The following SLC25A21 variants were observed in gnomAD, a reference collection of about 807,000 sequenced individuals.
SLC25A21 encodes mitochondrial 2-oxodicarboxylate carrier.
In SLC25A21, 47 loss-of-function variants were observed where a neutral mutation model predicts 43.8. The observed-to-expected ratio is 1.07, with a 90% CI of 0.85 to 1.37. The LOEUF (loss-of-function observed/expected upper bound fraction) is 1.37. SLC25A21 is among the 40% of genes most tolerant of loss of function. The pLI, the probability that SLC25A21 is intolerant of heterozygous loss-of-function variation, is 0.00. For missense variants in SLC25A21, 352 were observed against 350.2 expected (o/e 1.00, Z -0.04); for synonymous variants, 131 against 121.3 (o/e 1.08, Z -0.52).
At chr14:36,931,239 C>T (rs1050181368) in intron 1 of SLC25A21, among the ~76,000 whole-genome samples, 1 of 152,122 alleles carries the variant, frequency 6.6e-6, no homozygotes, top group African/African-American at 2.4e-5. Context: ...ATATCACTCC[C>T]AACAGCGAGT....
At chr14:37,149,488 A>C (rs1299824439) in intron 1 of SLC25A21, among the ~76,000 whole-genome samples, 4 of 151,922 alleles carry the variant, frequency 2.6e-5, no homozygotes, top group Non-Finnish European at 2.9e-5. Context: ...GGTGGCTCAC[A>C]CCTGCAATCC....
intron 1 of SLC25A21, among the ~76,000 whole-genome samples, chr14:37,026,698 G>C (rs183800786): frequency 6.6e-6 from 1 of 152,096 alleles, no homozygotes; most frequent in Non-Finnish European, 1.5e-5. Flanking sequence ...TATGTATTGT[G>C]ACAGTCTAAA....
At chr14:36,876,155 C>G (rs1224501189) in intron 1 of SLC25A21, among the ~76,000 whole-genome samples, 1 of 152,104 alleles carries the variant, frequency 6.6e-6, no homozygotes, top group African/African-American at 2.4e-5. Context: ...TAAACTAACT[C>G]AACTTGAATT....
intron 1 of SLC25A21, among the ~76,000 whole-genome samples, chr14:36,972,142 G>A (rs1403105211): frequency 6.6e-6 from 1 of 152,092 alleles, no homozygotes; most frequent in Non-Finnish European, 1.5e-5. Flanking sequence ...TGTTACAGTT[G>A]CCTACAGTAT....
At chr14:36,848,047 C>T (rs890813850) in intron 2 of SLC25A21, among the ~76,000 whole-genome samples, 1 of 152,104 alleles carries the variant, frequency 6.6e-6, no homozygotes, top group Non-Finnish European at 1.5e-5. Context: ...TGGTGACCAA[C>T]AGATGTGTGC....
intron 1 of SLC25A21, among the ~76,000 whole-genome samples, chr14:36,963,984 G>T (rs552746361): frequency 6.6e-6 from 1 of 152,086 alleles, no homozygotes; most frequent in South Asian, 2.1e-4. Context: ...ATTTGCAAAG[G>T]CTACTTAGCG....
intron 1 of SLC25A21, among the ~76,000 whole-genome samples, chr14:36,907,627 G>A (rs543747790): frequency 1.4e-4 from 21 of 152,122 alleles, no homozygotes; most frequent in South Asian, 1.0e-3. Context: ...ACCAATAGGC[G>A]TTTTTGAAGA....
intron 2 of SLC25A21, among the ~76,000 whole-genome samples, chr14:36,852,730 C>T (rs140692755): frequency 3.3e-5 from 5 of 152,138 alleles, no homozygotes; most frequent in African/African-American, 1.2e-4. Flanking sequence ...TCTACCATCA[C>T]ATGTTAGGCA....
At chr14:36,859,601 G>A (rs942270249) in intron 2 of SLC25A21, among the ~76,000 whole-genome samples, 2 of 152,150 alleles carry the variant, frequency 1.3e-5, no homozygotes, top group South Asian at 2.1e-4. Flanking sequence ...GGGTTCAGAT[G>A]ACAGTTTGTA....
chr14:36,714,964 A>G (rs759188086), intron 6 of SLC25A21, among the ~76,000 whole-genome samples: 12 of 152,220 alleles, frequency 7.9e-5, no homozygotes, highest in Non-Finnish European at 1.6e-4. Context: ...CAGCTGGTAT[A>G]TCTCATTTTT....
chr14:37,033,886 A>C (rs1490270580), intron 1 of SLC25A21, among the ~76,000 whole-genome samples: 2 of 152,224 alleles, frequency 1.3e-5, no homozygotes, highest in Non-Finnish European at 2.9e-5. Context: ...CAGGTATTCC[A>C]TGGTTTATTT....
intron 1 of SLC25A21, among the ~76,000 whole-genome samples, chr14:36,926,058 C>G (rs575889325): frequency 6.6e-6 from 1 of 152,194 alleles, no homozygotes; most frequent in South Asian, 2.1e-4. Flanking sequence ...AATACACATT[C>G]TTTTCAAGTC....
intron 1 of SLC25A21, among the ~76,000 whole-genome samples, chr14:37,013,602 T>C (rs2138742532): frequency 6.6e-6 from 1 of 152,290 alleles, no homozygotes; most frequent in Non-Finnish European, 1.5e-5. Flanking sequence ...CTACACCTAA[T>C]ATTTTGTTAG....
At chr14:36,714,746 G>A (rs1884051013) in intron 6 of SLC25A21, among the ~76,000 whole-genome samples, 1 of 152,202 alleles carries the variant, frequency 6.6e-6, no homozygotes, top group Admixed American at 6.5e-5. Flanking sequence ...CAGTAATTGT[G>A]TGAGATATGT....
intron 1 of SLC25A21, among the ~76,000 whole-genome samples, chr14:37,161,374 C>T (rs967478871): frequency 5.3e-5 from 8 of 152,102 alleles, no homozygotes; most frequent in Admixed American, 5.2e-4. Flanking sequence ...GAGTGAGGAA[C>T]TTTTCAGAAA....
At chr14:36,989,683 A>G (rs1268644439) in intron 1 of SLC25A21, among the ~76,000 whole-genome samples, 1 of 152,094 alleles carries the variant, frequency 6.6e-6, no homozygotes, top group African/African-American at 2.4e-5. Context: ...ATGTTGGGAA[A>G]CACTGAGTCC....
At chr14:36,715,574 T>C (rs184966899) in intron 6 of SLC25A21, among the ~76,000 whole-genome samples, 16 of 152,320 alleles carry the variant, frequency 1.1e-4, no homozygotes, top group Middle Eastern at 3.4e-3. Context: ...GTGGGCCAAA[T>C]TGCACTCTAA....
intron 1 of SLC25A21, among the ~76,000 whole-genome samples, chr14:37,140,833 AT>A (rs34719227): frequency 0.24 from 35,229 of 149,422 alleles, 4,229 homozygotes; most frequent in South Asian, 0.3. Context: ...TGGTGGTACC[AT>A]TTTTTTTTTT....
At chr14:37,042,233 C>T (rs1353608234) in intron 1 of SLC25A21, among the ~76,000 whole-genome samples, 2 of 152,108 alleles carry the variant, frequency 1.3e-5, no homozygotes, top group Non-Finnish European at 2.9e-5. Flanking sequence ...AGCTGGAAGC[C>T]GAGTTCAGGA....
Sources: allele counts gnomAD v4.1 joint callset (sites outside exome capture counted in the v4.1 genomes callset), GRCh38; gene constraint gnomAD v4.1.1; transcripts MANE v1.5; gene names NCBI Gene and HGNC (gene_info 2026-07-23, HGNC 2026-07-21).